Variants in SLC25A36 observed in about 807,000 individuals in gnomAD.
The protein encoded by SLC25A36 is solute carrier family 25 member 36.
SLC25A36 carries 24 observed loss-of-function variants against 35.3 expected under a neutral mutation model. That is an observed-to-expected ratio of 0.68 (90% confidence interval 0.49 to 0.96). The LOEUF is 0.96. SLC25A36 is among the 40% of genes least tolerant of loss of function. SLC25A36 has a pLI of 0.00. For synonymous variants in SLC25A36, 141 were observed against 132.2 expected, an observed-to-expected ratio of 1.07 and a Z score of -0.46; for missense variants, 294 against 381.1, an observed-to-expected ratio of 0.77 and a Z score of 1.90.
intron 3 of SLC25A36, among the ~76,000 whole-genome samples, chr3:140,961,508 G>A (rs773645025): frequency 6.6e-6 from 1 of 151,608 alleles, no homozygotes; most frequent in Non-Finnish European, 1.5e-5. Flanking sequence ...ATTTTTTTAG[G>A]ATGGTCACCT....
Position 140,980,972 on chromosome 3 carries a change from A to G in SLC25A36, c.*4519A>G, listed in dbSNP as rs1935167385. ...AATAGCCTATAGATCCAATAAATAC[A>G]GAGGAATATTAGTTACAACTGGAGT... On this transcript the variant is annotated 3_prime_UTR_variant, in exon 7 of 7. Coordinates refer to ENST00000324194, the MANE Select transcript of SLC25A36 (RefSeq NM_001104647.3). 6.6e-6 allele frequency among the ~76,000 whole-genome samples: 1 copy of G among 152,198 alleles called. No individual in the cohort carries two copies. The highest frequency in any genetic ancestry group is 1.5e-5 in the Non-Finnish European group (1 of 68,034).
At chr3:140,955,688 A>C (rs1318209243) in intron 1 of SLC25A36, among the ~76,000 whole-genome samples, 1 of 150,844 alleles carries the variant, frequency 6.6e-6, no homozygotes, top group Non-Finnish European at 1.5e-5. Context: ...GTGAGACTCA[A>C]ATGCCAATTT....
Position 140,977,947 on chromosome 3 carries a change from A to C in SLC25A36, c.*1494A>C, listed in dbSNP as rs1433866358. On this transcript the variant is annotated 3_prime_UTR_variant, in exon 7 of 7. Coordinates refer to ENST00000324194, the MANE Select transcript of SLC25A36 (RefSeq NM_001104647.3). ...GTTAAGATTAAAAAAAAAAACAAAA[A>C]CATTGGTCACGTATTAGGCAGAAAC... is the stretch of plus-strand genomic sequence containing the variant. 6.6e-6 allele frequency: 1 copy of C among 151,886 alleles called. No individual in the cohort carries two copies. The highest frequency in any genetic ancestry group is 1.5e-5 in the Non-Finnish European group (1 of 67,964). The allele number at this position is 151,886 out of a possible 1,614,324, so 9.4% of individuals were successfully genotyped here. A position where few individuals can be genotyped will look rare whatever the true frequency, so the allele number is the denominator to read the frequency against.
chr3:140,973,629 ATTC>A (rs1353890462), intron 5 of SLC25A36, 84 bp from the exon 6 acceptor site: 3 of 974,262 alleles, frequency 3.1e-6, no homozygotes, highest in Admixed American at 3.6e-5. Context: ...AAAGAAGGCC[ATTC>A]TTTTATTATT....
chr3:140,948,472 G>A (rs1019682372), intron 1 of SLC25A36, among the ~76,000 whole-genome samples: 4 of 152,008 alleles, frequency 2.6e-5, no homozygotes, highest in Non-Finnish European at 2.9e-5. Context: ...GTGAGCCACC[G>A]TGCCCGGCCA....
chr3:140,942,898 A>G (rs1934055610), intron 1 of SLC25A36, among the ~76,000 whole-genome samples: 2 of 152,140 alleles, frequency 1.3e-5, no homozygotes, highest in South Asian at 4.2e-4. Flanking sequence ...TTTCGAGAAA[A>G]CCACCCCTCT....
chr3:140,961,969 T>C (rs1934642025), intron 3 of SLC25A36, among the ~76,000 whole-genome samples: 1 of 150,212 alleles, frequency 6.7e-6, no homozygotes, highest in Admixed American at 6.7e-5. Context: ...CCAAATGGAC[T>C]AAGAGGGATT....
chr3:140,950,777 T>A (rs902105440), intron 1 of SLC25A36, among the ~76,000 whole-genome samples: 2 of 152,224 alleles, frequency 1.3e-5, no homozygotes, highest in Non-Finnish European at 2.9e-5. Flanking sequence ...CATCTTGGTG[T>A]GGATTGTTTT....
intron 4 of SLC25A36, chr3:140,966,563 A>G (rs1011838724): frequency 3.7e-5 from 7 of 188,782 alleles, no homozygotes; most frequent in African/African-American, 1.4e-4. Context: ...TTGTTAAAGG[A>G]TAGAAATTGT....
At chr3:140,952,451 A>C (rs1299088379) in intron 1 of SLC25A36, among the ~76,000 whole-genome samples, 1 of 152,108 alleles carries the variant, frequency 6.6e-6, no homozygotes, top group Non-Finnish European at 1.5e-5. Context: ...TGGCCAGTTT[A>C]GATTCTCATG....
Position 140,976,247 on chromosome 3 carries a change from C to T in SLC25A36, c.743-13C>T. 1 of 1,541,460 alleles carries T rather than the reference C, an allele frequency of 6.5e-7. No homozygotes were observed. Among genetic ancestry groups the T allele is most frequent in the Non-Finnish European group, 8.8e-7 (1 of 1,131,254 alleles). ...ATATCAGTAATGTTTAATTTTATTT[C>T]TTTCCTACACAGAAGTTGTAAGAAC... On this transcript the variant is annotated splice_polypyrimidine_tract_variant and intron_variant, in intron 6 of 6. Transcript: ENST00000324194.
chr3:140,967,019 T>C (rs1934776239), intron 4 of SLC25A36: 1 of 456,332 alleles, frequency 2.2e-6, no homozygotes, highest in Non-Finnish European at 4.4e-6. Context: ...TGTAGAAATA[T>C]GGACTAACTT....
intron 1 of SLC25A36, among the ~76,000 whole-genome samples, chr3:140,949,959 C>T (rs953686327): frequency 6.6e-6 from 1 of 152,146 alleles, no homozygotes; most frequent in Non-Finnish European, 1.5e-5. Context: ...GTAATGAGTG[C>T]CTGCTTCTAC....
At position 140,978,789 on chromosome 3, in the gene SLC25A36, GT is replaced by G. The variant is rs1335224406; in HGVS notation, c.*2339del. On this transcript the variant is annotated 3_prime_UTR_variant, in exon 7 of 7. Coordinates refer to ENST00000324194, the MANE Select transcript of SLC25A36 (RefSeq NM_001104647.3). ...TTTTCCCTAAGCACAATCTGCAATA[GT>G]TTATGTATGACAGAGATAATTCAAA... The G allele has an allele frequency of 6.6e-6, 1 of 152,122 alleles. No individual in the cohort carries two copies. Among genetic ancestry groups the G allele is most frequent in the Non-Finnish European group, 1.5e-5 (1 of 68,004 alleles). 9.4% of individuals were successfully genotyped at this position (152,122 alleles called of 1,614,324 possible).
chr3:140,960,426 C>T (rs1207711690), intron 3 of SLC25A36, among the ~76,000 whole-genome samples: 1 of 152,148 alleles, frequency 6.6e-6, no homozygotes, highest in Non-Finnish European at 1.5e-5. Context: ...TGCGCTCCAC[C>T]TGAAGTTAGT....
intron 4 of SLC25A36, 61 bp from the exon 5 acceptor site, chr3:140,970,866 C>A: frequency 1.3e-6 from 1 of 770,690 alleles, no homozygotes; most frequent in South Asian, 1.5e-5. Flanking sequence ...TTTTTAAAAC[C>A]TTAAAGTTAA....
Position 140,961,855 on chromosome 3 carries a change from CAAAAAAAAAAAAAAAAAAA to C in SLC25A36, c.285-1260_285-1242del, listed in dbSNP as rs553759457. 1.4e-3 allele frequency among the ~76,000 whole-genome samples: 51 copies of C among 35,846 alleles called. No individual in the cohort carries two copies. In the South Asian group the frequency reaches 0.076, roughly 53 times the overall value. 23.5% of individuals were successfully genotyped at this position (35,846 alleles called of 152,430 possible). A position where few individuals can be genotyped will look rare whatever the true frequency, so the allele number is the denominator to read the frequency against. ...TGGGCAAAAGAGCGAGGCTCCGTCT[CAAAAAAAAAAAAAAAAAAA>C]AAAAAAAAAAAGGCATACTGGATTT... On this transcript the variant is annotated intron_variant, in intron 3 of 6. Coordinates refer to ENST00000324194, the MANE Select transcript of SLC25A36 (RefSeq NM_001104647.3).
intron 4 of SLC25A36, chr3:140,965,755 C>G (rs79263051): frequency 6.6e-6 from 1 of 151,646 alleles, no homozygotes; most frequent in South Asian, 2.1e-4. Context: ...AATGTTGACT[C>G]TTAATATTTT....
chr3:140,961,245 G>A (rs1239660452), intron 3 of SLC25A36, among the ~76,000 whole-genome samples: 3 of 151,506 alleles, frequency 2.0e-5, no homozygotes, highest in Admixed American at 6.6e-5. Flanking sequence ...AATTTTTCTC[G>A]GTTATCATAT....
Sources: allele counts gnomAD v4.1 joint callset (sites outside exome capture counted in the v4.1 genomes callset), GRCh38; gene constraint gnomAD v4.1.1; transcripts MANE v1.5; gene names NCBI Gene and HGNC (gene_info 2026-07-23, HGNC 2026-07-21).